Variants in ESCO1 observed in about 807,000 individuals in gnomAD.
ESCO1 encodes the protein N-acetyltransferase ESCO1.
A neutral mutation model predicts 83.5 loss-of-function variants in ESCO1; 33 were observed. The observed-to-expected ratio is 0.40, with a 90% CI of 0.30 to 0.53. The LOEUF (loss-of-function observed/expected upper bound fraction) is 0.53, where lower values mean the gene tolerates loss of function less well. Ranked by LOEUF, ESCO1 falls within the 20% of genes least tolerant of loss-of-function variation. The pLI is 0.63. For synonymous variants in ESCO1, 332 were observed against 324.3 expected (o/e 1.02, Z -0.25); for missense variants, 855 against 968.0 (o/e 0.88, Z 1.55).
chr18:21,593,653 CTTAA>C (rs1319030559), intron 1 of ESCO1, among the ~76,000 whole-genome samples: 4 of 113,238 alleles, frequency 3.5e-5, no homozygotes, highest in African/African-American at 8.7e-5. Flanking sequence ...TCTTAATCTC[CTTAA>C]TTATTTACCA....
At chr18:21,553,804 C>T (rs552155926) in intron 8 of ESCO1, among the ~76,000 whole-genome samples, 7 of 150,370 alleles carry the variant, frequency 4.7e-5, no homozygotes, top group Non-Finnish European at 8.9e-5. Flanking sequence ...TTGCAGTGAG[C>T]CGAGATTGTT....
At chr18:21,564,967 T>C (rs1459428130) in intron 6 of ESCO1, among the ~76,000 whole-genome samples, 2 of 151,982 alleles carry the variant, frequency 1.3e-5, no homozygotes, top group Non-Finnish European at 2.9e-5. Flanking sequence ...TCCTAGCTAC[T>C]CAGGAGGCTG....
Position 21,533,761 on chromosome 18 carries a change from G to A in ESCO1, c.2188-1101C>T, listed in dbSNP as rs141989630. Among the ~76,000 whole-genome samples the A allele has an allele frequency of 3.4e-3, 517 of 152,072 alleles. 3 individuals are homozygous for A. The highest frequency in any genetic ancestry group is 0.012 in the African/African-American group (491 of 41,450). ...GTAAAATTAATTCAATTTCAGTATG[G>A]CAAACTTCTATGAATTAGTCAATTT... On this transcript the variant is annotated intron_variant, in intron 10 of 11. Transcript: ENST00000269214.
chr18:21,566,101 T>C, intron 6 of ESCO1, 45 bp downstream of exon 6: 1 of 1,567,686 alleles, frequency 6.4e-7, no homozygotes, highest in South Asian at 1.1e-5. Flanking sequence ...ACTCAAAACT[T>C]GTAAGTTAAA....
chr18:21,549,370 T>C (rs979119245), intron 8 of ESCO1, among the ~76,000 whole-genome samples: 1 of 152,070 alleles, frequency 6.6e-6, no homozygotes, highest in African/African-American at 2.4e-5. Flanking sequence ...GATGACACTA[T>C]TGAACTGCTA....
chr18:21,593,052 T>A (rs1472380135), intron 1 of ESCO1: 4 of 156,410 alleles, frequency 2.6e-5, no homozygotes, highest in African/African-American at 1.0e-4. Flanking sequence ...GAAGAGGCGC[T>A]CCTCACTTCC....
At chr18:21,567,696 T>C (rs1481085965) in intron 5 of ESCO1, among the ~76,000 whole-genome samples, 1 of 152,164 alleles carries the variant, frequency 6.6e-6, no homozygotes, top group Non-Finnish European at 1.5e-5. Flanking sequence ...ATGCAATTCA[T>C]TAAGAACACT....
chr18:21,542,441 T>C (rs1411448016), intron 8 of ESCO1, among the ~76,000 whole-genome samples: 3 of 152,220 alleles, frequency 2.0e-5, no homozygotes, highest in Non-Finnish European at 2.9e-5. Flanking sequence ...ACTAGATGCA[T>C]GGCCTTAGGC....
rs562056096 is a variant in ESCO1 at position 21,562,041 on chromosome 18, GCTAATTTTTATAT to G, written c.1822-1064_1822-1052del. ...TTACAGGCACCCACCAACATGCCCAGCTAATTTTTATATCTTTTAATAGAGACCGGGTTTTGCC... is the reference window on the plus strand; with the variant it reads ...TTACAGGCACCCACCAACATGCCCAGCTTTTAATAGAGACCGGGTTTTGCC... On this transcript the variant is annotated intron_variant, in intron 7 of 11. Coordinates refer to ENST00000269214, the MANE Select transcript of ESCO1 (RefSeq NM_052911.3). 4.6e-5 allele frequency among the ~76,000 whole-genome samples: 7 copies of G among 151,594 alleles called. No homozygotes were observed. In the East Asian group the frequency reaches 1.4e-3, roughly 30 times the overall value.
chr18:21,587,671 T>TTTTTTAAAAAA (rs2038600814), intron 1 of ESCO1, among the ~76,000 whole-genome samples: 1 of 152,050 alleles, frequency 6.6e-6, no homozygotes, highest in Non-Finnish European at 1.5e-5. Flanking sequence ...GTGTAGTAGC[T>TTTTTTAAAAAA]CATGCCTATT....
intron 2 of ESCO1, among the ~76,000 whole-genome samples, chr18:21,580,371 A>G (rs2038485940): frequency 6.6e-6 from 1 of 152,224 alleles, no homozygotes; most frequent in Non-Finnish European, 1.5e-5. Context: ...CAAACCTTCC[A>G]TAGCAACACT....
intron 8 of ESCO1, among the ~76,000 whole-genome samples, chr18:21,553,978 A>C (rs1423717952): frequency 6.6e-6 from 1 of 152,064 alleles, no homozygotes; most frequent in Non-Finnish European, 1.5e-5. Context: ...AAATAAATAA[A>C]ATAAAAAATG....
At chr18:21,545,583 A>G (rs2037963453) in intron 8 of ESCO1, among the ~76,000 whole-genome samples, 1 of 151,874 alleles carries the variant, frequency 6.6e-6, no homozygotes, top group Non-Finnish European at 1.5e-5. Flanking sequence ...AAAAAAAAAA[A>G]AAAAATTTAC....
At chr18:21,594,040 G>T (rs2038724863) in intron 1 of ESCO1, among the ~76,000 whole-genome samples, 1 of 152,136 alleles carries the variant, frequency 6.6e-6, no homozygotes, top group Non-Finnish European at 1.5e-5. Context: ...AGCCTGTTTA[G>T]CAAGAGCAGC....
chr18:21,550,935 A>G (rs914831226), intron 8 of ESCO1, among the ~76,000 whole-genome samples: 2 of 151,050 alleles, frequency 1.3e-5, no homozygotes, highest in African/African-American at 4.9e-5. Flanking sequence ...ACATGGTGAA[A>G]CCCCGCCTCT....
intron 10 of ESCO1, among the ~76,000 whole-genome samples, chr18:21,533,284 C>T (rs1278317143): frequency 6.6e-6 from 1 of 151,776 alleles, no homozygotes; most frequent in Non-Finnish European, 1.5e-5. Flanking sequence ...CAAAAAATAA[C>T]ACAATTGGTT....
At chr18:21,594,185 A>G (rs1265545474) in intron 1 of ESCO1, among the ~76,000 whole-genome samples, 1 of 152,234 alleles carries the variant, frequency 6.6e-6, no homozygotes. Context: ...CTACTATAAC[A>G]GCAAAGAACT....
intron 8 of ESCO1, among the ~76,000 whole-genome samples, chr18:21,550,588 A>C (rs2146187222): frequency 6.6e-6 from 1 of 152,348 alleles, no homozygotes; most frequent in South Asian, 2.1e-4. Flanking sequence ...CTCAAAGGTC[A>C]TTTGGACTTA....
intron 8 of ESCO1, among the ~76,000 whole-genome samples, chr18:21,559,307 G>A (rs1397638631): frequency 6.6e-6 from 1 of 152,170 alleles, no homozygotes; most frequent in Non-Finnish European, 1.5e-5. Context: ...GGGTCTGGCT[G>A]GGGCAGGAAA....
Sources: allele counts gnomAD v4.1 joint callset (sites outside exome capture counted in the v4.1 genomes callset), GRCh38; gene constraint gnomAD v4.1.1; transcripts MANE v1.5; gene names NCBI Gene and HGNC (gene_info 2026-07-23, HGNC 2026-07-21).